Variants in SLC14A2 observed in about 807,000 individuals in gnomAD.
SLC14A2 encodes the protein urea transporter 2.
In SLC14A2, 91 loss-of-function variants were observed where a neutral mutation model predicts 104.6. The ratio of observed to expected loss-of-function variants is 0.87; its 90% confidence interval spans 0.73 to 1.04. SLC14A2 has a LOEUF of 1.04. Ranked by LOEUF, SLC14A2 falls within the 50% of genes least tolerant of loss-of-function variation. SLC14A2 has a pLI of 0.00. For missense variants in SLC14A2, 1,189 were observed against 1,156.0 expected (o/e 1.03, Z -0.41); for synonymous variants, 476 against 466.4 (o/e 1.02, Z -0.27).
the SLC14A2 span, among the ~76,000 whole-genome samples, chr18:45,190,339 T>C: frequency 6.6e-6 from 1 of 152,184 alleles, no homozygotes; most frequent in Non-Finnish European, 1.5e-5. Context: ...GTATTGGCAC[T>C]TTGTGTTTAA....
intron 15 of SLC14A2, among the ~76,000 whole-genome samples, 187 bp from the exon 16 acceptor site, chr18:45,669,118 GC>G (rs954101255): frequency 1.3e-5 from 2 of 152,236 alleles, no homozygotes; most frequent in African/African-American, 4.8e-5. Flanking sequence ...GAGTCTGGGT[GC>G]CCCACCCTGT....
intron 1 of SLC14A2, among the ~76,000 whole-genome samples, chr18:45,413,822 C>T (rs2086240044): frequency 6.6e-6 from 1 of 152,098 alleles, no homozygotes; most frequent in South Asian, 2.1e-4. Context: ...GGTACCTAAG[C>T]CACAGTTATC....
intron 1 of SLC14A2, among the ~76,000 whole-genome samples, chr18:45,297,215 A>G (rs935683810): frequency 6.6e-6 from 1 of 152,218 alleles, no homozygotes; most frequent in Non-Finnish European, 1.5e-5. Flanking sequence ...AGAAGGTGAT[A>G]TTTCTTGAGG....
At chr18:45,534,781 T>C (rs1026211889) in intron 2 of SLC14A2, among the ~76,000 whole-genome samples, 8 of 152,158 alleles carry the variant, frequency 5.3e-5, no homozygotes, top group Non-Finnish European at 1.0e-4. Context: ...ATGCATTAGA[T>C]GAAAGGTGAC....
At chr18:45,188,454 C>A in the SLC14A2 span, among the ~76,000 whole-genome samples, 1 of 152,068 alleles carries the variant, frequency 6.6e-6, no homozygotes. Context: ...AACCTACCTG[C>A]AAGACAAGGG....
At chr18:45,509,609 G>T (rs747880785) in intron 2 of SLC14A2, among the ~76,000 whole-genome samples, 1 of 152,170 alleles carries the variant, frequency 6.6e-6, no homozygotes, top group Non-Finnish European at 1.5e-5. Context: ...AAAATAAACT[G>T]GGCAGAATGG....
intron 2 of SLC14A2, among the ~76,000 whole-genome samples, chr18:45,513,770 A>G (rs1395847364): frequency 6.6e-6 from 1 of 152,182 alleles, no homozygotes; most frequent in Non-Finnish European, 1.5e-5. Context: ...GGGTGACCTG[A>G]GGATATGAGA....
chr18:45,283,583 T>G (rs931002505), intron 1 of SLC14A2, among the ~76,000 whole-genome samples: 2 of 152,260 alleles, frequency 1.3e-5, no homozygotes, highest in East Asian at 3.8e-4. Flanking sequence ...ATATGATGTG[T>G]GAAACAGCTT....
intron 1 of SLC14A2, among the ~76,000 whole-genome samples, chr18:45,381,487 G>A (rs962819858): frequency 6.6e-6 from 1 of 152,046 alleles, no homozygotes; most frequent in Admixed American, 6.5e-5. Flanking sequence ...CACAGGACTG[G>A]GTTTGACACA....
intron 1 of SLC14A2, among the ~76,000 whole-genome samples, chr18:45,340,335 C>T (rs532583681): frequency 2.7e-4 from 41 of 152,326 alleles, no homozygotes; most frequent in African/African-American, 9.9e-4. Context: ...GAGGGCTTTT[C>T]TCTATGTTAT....
chr18:45,661,934 A>T (rs892612141), intron 10 of SLC14A2, among the ~76,000 whole-genome samples: 19 of 152,202 alleles, frequency 1.2e-4, no homozygotes, highest in African/African-American at 4.3e-4. Context: ...CCTGGACAGG[A>T]TGCTGAAACA....
intron 1 of SLC14A2, among the ~76,000 whole-genome samples, chr18:45,477,490 C>G (rs934342146): frequency 6.6e-6 from 1 of 152,184 alleles, no homozygotes; most frequent in Non-Finnish European, 1.5e-5. Flanking sequence ...GCAGTCTGTC[C>G]CTTAGCAGAG....
intron 2 of SLC14A2, among the ~76,000 whole-genome samples, chr18:45,486,306 T>C (rs1167209137): frequency 6.6e-6 from 1 of 152,122 alleles, no homozygotes; most frequent in African/African-American, 2.4e-5. Flanking sequence ...TTTATAAGTA[T>C]TTTAATTACA....
chr18:45,211,033 A>C (rs1200775478), upstream of SLC14A2, among the ~76,000 whole-genome samples: 2 of 152,120 alleles, frequency 1.3e-5, no homozygotes, highest in Non-Finnish European at 1.5e-5. Flanking sequence ...ATGTTTTCCT[A>C]TTTTCCCCTT....
At chr18:45,513,893 ATCTCCACCTCCT>A (rs1399219105) in intron 2 of SLC14A2, among the ~76,000 whole-genome samples, 1 of 152,166 alleles carries the variant, frequency 6.6e-6, no homozygotes, top group Non-Finnish European at 1.5e-5. Flanking sequence ...CTAAGGAAAC[ATCTCCACCTCCT>A]TCTCCACCCA....
chr18:45,260,887 A>G (rs1051399773), intron 1 of SLC14A2, among the ~76,000 whole-genome samples: 2 of 152,136 alleles, frequency 1.3e-5, no homozygotes, highest in Non-Finnish European at 2.9e-5. Context: ...TGCATTGGGT[A>G]TGATGATCAC....
intron 1 of SLC14A2, chr18:45,436,542 C>T (rs904436831): frequency 1.3e-5 from 2 of 152,186 alleles, no homozygotes; most frequent in African/African-American, 4.8e-5. Flanking sequence ...TCTCATATCT[C>T]CTCTCCCTAC....
intron 1 of SLC14A2, among the ~76,000 whole-genome samples, chr18:45,369,459 C>T (rs1052157393): frequency 3.3e-5 from 5 of 152,126 alleles, no homozygotes; most frequent in African/African-American, 1.2e-4. Flanking sequence ...AAGGAAATAT[C>T]ATATATTTAG....
chr18:45,341,595 CTTTTTTTTT>C (rs376534367), intron 1 of SLC14A2, among the ~76,000 whole-genome samples: 2 of 83,162 alleles, frequency 2.4e-5, no homozygotes, highest in Non-Finnish European at 4.6e-5. Context: ...TCTAGTATTA[CTTTTTTTTT>C]TTTTTTTTTT....
Sources: gnomAD v4.1 joint callset for allele counts (sites outside exome capture counted in the v4.1 genomes callset) on GRCh38, gnomAD v4.1.1 for gene constraint, MANE v1.5 for transcripts, NCBI Gene and HGNC (gene_info 2026-07-23, HGNC 2026-07-21) for gene names.